The following LTBP2 variants were observed in gnomAD, a reference collection of about 807,000 sequenced individuals.
The protein encoded by LTBP2 is latent-transforming growth factor beta-binding protein 2.
Under a neutral mutation model 210.6 loss-of-function variants are expected in LTBP2, and 103 were observed. That is an observed-to-expected ratio of 0.49 (90% CI 0.42 to 0.58). The LOEUF (loss-of-function observed/expected upper bound fraction) is 0.58, where lower values mean the gene tolerates loss of function less well. Among genes scored for constraint, LTBP2 ranks in the 20% least tolerant of loss-of-function variants. The pLI, the probability that LTBP2 is intolerant of heterozygous loss-of-function variation, is 0.00. For synonymous variants in LTBP2, 1,007 were observed against 1,015.0 expected (o/e 0.99, Z 0.15); for missense variants, 2,313 against 2,494.5 (o/e 0.93, Z 1.55).
chr14:74,585,678 C>T (rs902877540), intron 3 of LTBP2, among the ~76,000 whole-genome samples, 176 bp downstream of exon 3: 2 of 152,230 alleles, frequency 1.3e-5, no homozygotes, highest in African/African-American at 2.4e-5. Flanking sequence ...GCCCCAACAC[C>T]TACTCTCCTG....
In LTBP2 at chr14:74,510,120, T is replaced by C. The variant is rs1268888573; in HGVS notation, c.3122A>G (p.Glu1041Gly). 3 of 1,614,010 alleles carry C rather than the reference T, an allele frequency of 1.9e-6. No homozygotes were observed. In the African/African-American group the frequency reaches 4.0e-5, roughly 22 times the overall value. Residue 1041 changes from glutamate (E) to glycine (G), a missense_variant, in exon 20 of 36, where the codon GAG (glutamate) becomes GGG (glycine). By Grantham distance (98) the Glu-to-Gly change is moderately conservative. Coordinates refer to ENST00000261978, the MANE Select transcript of LTBP2 (RefSeq NM_000428.3). ...GCAGCCCTTCTCATCTGAGGTGACC[T>C]CATAGCCCTGCTCACAAGAGCATCT... ...SFRCSCEQGY[E>G]VTSDEKGCQD...
Position 74,525,477 on chromosome 14 carries a change from T to C in LTBP2, c.2429-252A>G, listed in dbSNP as rs894875105. Among the ~76,000 whole-genome samples the C allele has an allele frequency of 6.6e-5, 10 of 152,334 alleles. 1 individual carries two copies. The highest frequency in any genetic ancestry group is 2.4e-4 in the African/African-American group (10 of 41,578). On this transcript the variant is annotated intron_variant, in intron 14 of 35. Transcript: ENST00000261978. ...GACTGAGGCTTGCAGAAATGGTCAC[T>C]TGTCCAAGGCCAGTCAGCTTGTCGG...
At chr14:74,510,621 C>T (rs1414060888) in intron 19 of LTBP2, among the ~76,000 whole-genome samples, 1 of 152,244 alleles carries the variant, frequency 6.6e-6, no homozygotes, top group East Asian at 1.9e-4. Context: ...GCAGCTTCTG[C>T]GGGTGGGCGG....
Position 74,552,328 on chromosome 14 carries a change from CG to C in LTBP2, c.1257del (p.Ala420ProfsTer34). 6.2e-7 allele frequency: 1 copy of C among 1,612,420 alleles called. No individual in the cohort carries two copies. The highest frequency in any genetic ancestry group is 8.5e-7 in the Non-Finnish European group (1 of 1,179,976). On this transcript the variant is annotated frameshift_variant, in exon 6 of 36. Coordinates refer to ENST00000261978, the MANE Select transcript of LTBP2 (RefSeq NM_000428.3). LOFTEE classifies it high-confidence loss of function. ...RCIGRDECWC[P>X]ANSTGKFCHL... is the part of the protein sequence containing the mutation. ...TGGCAGAACTTCCCGGTGGAGTTGG[CG>C]GGGCACCAGCATTCGTCCCTGCCGA...
chr14:74,559,593 G>T (rs1025205575), intron 3 of LTBP2, among the ~76,000 whole-genome samples: 2 of 152,150 alleles, frequency 1.3e-5, no homozygotes, highest in African/African-American at 4.8e-5. Context: ...TCTCCAATTG[G>T]TTACCACTGC....
chr14:74,571,962 G>GA (rs35696324), intron 3 of LTBP2, among the ~76,000 whole-genome samples: 53,949 of 146,668 alleles, frequency 0.37, 11,841 homozygotes, highest in Non-Finnish European at 0.51. Context: ...GAAATAAGGA[G>GA]AAAAAAAAAA....
Position 74,502,789 on chromosome 14 carries a change from G to C in LTBP2, c.5034C>G (p.Asn1678Lys). The C allele has an allele frequency of 6.2e-7, 1 of 1,614,190 alleles. No individual in the cohort carries two copies. The highest frequency in any genetic ancestry group is 8.5e-7 in the Non-Finnish European group (1 of 1,179,990). ...IYGPDGAPFY[N>K]YLGPEDTVPE... ...GGACGGTGTCCTCGGGGCCCAGGTAGTTGTAGAAGGGGGCCCCATCTGGGC... is the reference window on the plus strand; with the variant it reads ...GGACGGTGTCCTCGGGGCCCAGGTACTTGTAGAAGGGGGCCCCATCTGGGC... Residue 1678 changes from asparagine (N) to lysine (K), a missense_variant, in exon 34 of 36, where the codon AAC (asparagine) becomes AAG (lysine). Physicochemically the swap from Asn to Lys is moderately conservative, Grantham distance 94. Transcript: ENST00000261978.
At chr14:74,594,806 C>T (rs970375765) in intron 2 of LTBP2, among the ~76,000 whole-genome samples, 2 of 152,168 alleles carry the variant, frequency 1.3e-5, no homozygotes, top group African/African-American at 4.8e-5. Context: ...CACCCACACT[C>T]GGAATCCACC....
intron 3 of LTBP2, 39 bp downstream of exon 3, chr14:74,585,815 G>A (rs766207238): frequency 3.7e-6 from 6 of 1,613,846 alleles, no homozygotes; most frequent in South Asian, 1.1e-5. Flanking sequence ...AAAAGAGACT[G>A]AGCCCCAGAC....
In LTBP2 at chr14:74,509,823, G is replaced by C. The variant is rs1595243264; in HGVS notation, c.3188C>G (p.Thr1063Arg). 1 of 1,614,102 alleles carries C rather than the reference G, an allele frequency of 6.2e-7. No individual in the cohort carries two copies. ...DECASRASCPTGLCLNTEGSF... is the reference protein window; with the variant it reads ...DECASRASCPRGLCLNTEGSF... The stretch of plus-strand genomic sequence containing the variant: ...GCCCTCCGTGTTGAGGCAGAGGCCT[G>C]TGGGGCATGAGGCCCGGCTGGCACA... The change falls in exon 21 of 36, where the codon ACA becomes AGA. Residue 1063 changes from threonine (T) to arginine (R), a missense_variant. Physicochemically the swap from Thr to Arg is moderately conservative, Grantham distance 71. This residue lies in a region of LTBP2 where 1,867 missense variants were observed against 1,976.9 expected (regional missense o/e 0.94). Coordinates refer to ENST00000261978, the MANE Select transcript of LTBP2 (RefSeq NM_000428.3).
chr14:74,509,142 C>T, intron 22 of LTBP2, 96 bp downstream of exon 22: 1 of 1,593,520 alleles, frequency 6.3e-7, no homozygotes, highest in Non-Finnish European at 8.6e-7. Flanking sequence ...GATGGCAGCT[C>T]CTCCAGCCTC....
chr14:74,599,124 T>C (rs993148533), intron 2 of LTBP2, among the ~76,000 whole-genome samples: 1 of 152,266 alleles, frequency 6.6e-6, no homozygotes, highest in African/African-American at 2.4e-5. Context: ...TAGATTGTTA[T>C]GCCCATTTTA....
chr14:74,602,634 C>T (rs1396980900), intron 2 of LTBP2, among the ~76,000 whole-genome samples: 1 of 152,250 alleles, frequency 6.6e-6, no homozygotes, highest in Non-Finnish European at 1.5e-5. Context: ...GTGCACCCTG[C>T]ACAAAGTGAG....
Position 74,611,827 on chromosome 14 carries a change from C to G in LTBP2, c.118G>C (p.Val40Leu). 6.2e-7 allele frequency: 1 copy of G among 1,611,640 alleles called. No individual in the cohort carries two copies. Reference protein sequence around the residue: ...VGAGHAQRDPVGRYEPAGGDA... With the variant: ...VGAGHAQRDPLGRYEPAGGDA... ...CCACCAGCCGGCTCGTATCTCCCTA[C>G]GGGGTCCCTTTGGGCATGACCCGCG... is the stretch of plus-strand genomic sequence containing the variant. The change falls in exon 1 of 36, where the codon GTA becomes CTA. Residue 40 changes from valine to leucine, a missense_variant. Val to Leu is a conservative substitution (Grantham distance 32). This residue lies in a region of LTBP2 where 1,867 missense variants were observed against 1,976.9 expected (regional missense o/e 0.94). Coordinates refer to ENST00000261978, the MANE Select transcript of LTBP2 (RefSeq NM_000428.3).
At chr14:74,548,186 A>T (rs1036631958) in intron 8 of LTBP2, among the ~76,000 whole-genome samples, 2 of 150,640 alleles carry the variant, frequency 1.3e-5, no homozygotes, top group Non-Finnish European at 2.9e-5. Context: ...CTCTAAGGGA[A>T]TCATTGGCAT....
At position 74,551,108 on chromosome 14, in the gene LTBP2, G is replaced by C. The variant is rs137854855; in HGVS notation, c.1642C>G (p.Arg548Gly). The C allele has an allele frequency of 1.2e-6, 2 of 1,613,848 alleles. No individual in the cohort carries two copies. Among genetic ancestry groups the C allele is most frequent in the Non-Finnish European group, 1.7e-6 (2 of 1,180,036 alleles). Reference protein sequence around the residue: ...RPLPPAAPRPRGLLGRCYLNT... With the variant: ...RPLPPAAPRPGGLLGRCYLNT... ...AGGTAACACCGGCCCAGCAGTCCTC[G>C]AGGCCTGGGTGCTGCTGGGGGCAGT... The change falls in exon 7 of 36, where the codon CGA (arginine) becomes GGA (glycine). Residue 548 changes from arginine (R) to glycine (G), a missense_variant. Arg to Gly is a moderately radical substitution (Grantham distance 125). Coordinates refer to ENST00000261978, the MANE Select transcript of LTBP2 (RefSeq NM_000428.3).
intron 3 of LTBP2, among the ~76,000 whole-genome samples, chr14:74,558,171 AG>A (rs2087752168): frequency 6.6e-6 from 1 of 152,212 alleles, no homozygotes; most frequent in African/African-American, 2.4e-5. Flanking sequence ...AGGCTGAGAC[AG>A]GAGGATCACC....
intron 1 of LTBP2, 79 bp from the exon 2 acceptor site, chr14:74,603,784 C>T (rs1172538794): frequency 8.3e-7 from 1 of 1,210,052 alleles, no homozygotes. Flanking sequence ...ACAGTCCCAC[C>T]TTCTAGAGGC....
intron 3 of LTBP2, among the ~76,000 whole-genome samples, chr14:74,580,442 A>G (rs2088120983): frequency 6.6e-6 from 1 of 152,210 alleles, no homozygotes; most frequent in Middle Eastern, 3.2e-3. Flanking sequence ...CACACAAGGA[A>G]GAAGGCCACG....
Sources: allele counts gnomAD v4.1 joint callset (sites outside exome capture counted in the v4.1 genomes callset), GRCh38; gene constraint gnomAD v4.1.1; regional missense constraint gnomAD v4.1.1; transcripts MANE v1.5; gene names NCBI Gene and HGNC (gene_info 2026-07-23, HGNC 2026-07-21).